Variants in VAC14 observed in about 807,000 individuals in gnomAD.
The protein encoded by VAC14 is VAC14 component of PIKFYVE complex.
A neutral mutation model predicts 85.3 loss-of-function variants in VAC14; 47 were observed. That is an observed-to-expected ratio of 0.55 (90% confidence interval 0.44 to 0.70). VAC14 has a LOEUF of 0.70. Ranked by LOEUF, VAC14 falls within the 30% of genes least tolerant of loss-of-function variation. The pLI is 0.00. For synonymous variants in VAC14, 447 were observed against 430.5 expected, an observed-to-expected ratio of 1.04 and a Z score of -0.47; for missense variants, 861 against 1,004.3, an observed-to-expected ratio of 0.86 and a Z score of 1.93.
intron 12 of VAC14, among the ~76,000 whole-genome samples, chr16:70,754,885 G>A (rs1014207514): frequency 6.6e-6 from 1 of 152,170 alleles, no homozygotes; most frequent in Non-Finnish European, 1.5e-5. Context: ...AATCTGAGGA[G>A]GAAAAACAAG....
chr16:70,757,990 C>T (rs1473547730), intron 12 of VAC14, among the ~76,000 whole-genome samples: 1 of 152,222 alleles, frequency 6.6e-6, no homozygotes, highest in Admixed American at 6.5e-5. Context: ...TCTTAACCAC[C>T]AGGCCTCAGT....
chr16:70,743,711 T>C (rs2030584984), intron 13 of VAC14, among the ~76,000 whole-genome samples: 2 of 152,168 alleles, frequency 1.3e-5, no homozygotes, highest in South Asian at 4.1e-4. Flanking sequence ...CACAAAAGCA[T>C]GGGCCAACTA....
intron 14 of VAC14, among the ~76,000 whole-genome samples, chr16:70,724,895 T>C (rs1360915611): frequency 2.6e-5 from 4 of 152,252 alleles, no homozygotes; most frequent in Non-Finnish European, 4.4e-5. Context: ...TACGGACTTA[T>C]GAAAGATCAA....
At chr16:70,705,904 G>T (rs924769160) in intron 14 of VAC14, among the ~76,000 whole-genome samples, 3 of 152,192 alleles carry the variant, frequency 2.0e-5, no homozygotes, top group Non-Finnish European at 2.9e-5. Flanking sequence ...CAAGAGTGTG[G>T]GTGATTTTGC....
chr16:70,704,478 C>G (rs907977218), intron 14 of VAC14, among the ~76,000 whole-genome samples: 1 of 152,240 alleles, frequency 6.6e-6, no homozygotes, highest in African/African-American at 2.4e-5. Context: ...GGGGGCTTTA[C>G]CCCCCAACAC....
chr16:70,704,630 C>T (rs898721239), intron 14 of VAC14, among the ~76,000 whole-genome samples: 1 of 152,170 alleles, frequency 6.6e-6, no homozygotes, highest in African/African-American at 2.4e-5. Context: ...TGAGGAGGGC[C>T]AGCTCACAGT....
In VAC14 at chr16:70,687,678, TATAGCCCCCCA is replaced by T. The variant is rs1330549999; in HGVS notation, c.*239_*249del. 4 of 385,228 alleles carry T rather than the reference TATAGCCCCCCA, an allele frequency of 1.0e-5. No individual in the cohort carries two copies. Among genetic ancestry groups the T allele is most frequent in the Non-Finnish European group, 1.8e-5 (4 of 218,572 alleles). 23.9% of individuals were successfully genotyped at this position (385,228 alleles called of 1,614,324 possible). A position where few individuals can be genotyped will look rare whatever the true frequency, so the allele number is the denominator to read the frequency against. On this transcript the variant is annotated 3_prime_UTR_variant, in exon 19 of 19. Coordinates refer to ENST00000261776, the MANE Select transcript of VAC14 (RefSeq NM_018052.5). ...CCAGAGGATGAGTGGTCTCTGAGGC[TATAGCCCCCCA>T]CTGGGTGGGCAGCCAGCTCTGTGAG...
intron 16 of VAC14, 173 bp downstream of exon 16, chr16:70,696,966 C>T (rs758836602): frequency 4.1e-5 from 24 of 582,166 alleles, no homozygotes; most frequent in South Asian, 5.9e-5. Context: ...CTCCCAAATA[C>T]GTCCCTCCCC....
At chr16:70,753,501 G>C (rs527271899) in intron 12 of VAC14, among the ~76,000 whole-genome samples, 1 of 152,342 alleles carries the variant, frequency 6.6e-6, no homozygotes, top group South Asian at 2.1e-4. Flanking sequence ...AAAACCGGGG[G>C]CCCTGGCTTG....
chr16:70,704,305 G>A (rs573175752), intron 14 of VAC14, among the ~76,000 whole-genome samples: 2 of 152,260 alleles, frequency 1.3e-5, no homozygotes, highest in South Asian at 4.1e-4. Flanking sequence ...GTAACAGAAG[G>A]GGCGGTGGGA....
chr16:70,772,981 C>T (rs1293704270), intron 9 of VAC14: 2 of 152,210 alleles, frequency 1.3e-5, no homozygotes, highest in African/African-American at 4.8e-5. Context: ...TCATAAAAGA[C>T]TACATATTGT....
At chr16:70,717,775 T>C (rs1567535387) in intron 14 of VAC14, among the ~76,000 whole-genome samples, 1 of 152,168 alleles carries the variant, frequency 6.6e-6, no homozygotes, top group Non-Finnish European at 1.5e-5. Flanking sequence ...GCCTCCTGAG[T>C]AGCTGAGACC....
At chr16:70,786,551 G>A in intron 1 of VAC14, 186 bp from the exon 2 acceptor site, 1 of 675,768 alleles carries the variant, frequency 1.5e-6, no homozygotes, top group Non-Finnish European at 2.4e-6. Context: ...CTGGGTCTCA[G>A]TTTCCCTTTG....
Position 70,783,144 on chromosome 16 carries a change from G to A in VAC14, c.705-5C>T. On this transcript the variant is annotated splice_region_variant and splice_polypyrimidine_tract_variant and intron_variant, in intron 6 of 18. Coordinates refer to ENST00000261776, the MANE Select transcript of VAC14 (RefSeq NM_018052.5). Reference sequence around the variant, plus strand: ...TCTCCAAGAACAACCTCACACCTATGAACAAGAACAGGAAAGTGGAAACAG... The same window carrying A: ...TCTCCAAGAACAACCTCACACCTATAAACAAGAACAGGAAAGTGGAAACAG... 6.2e-7 allele frequency: 1 copy of A among 1,613,094 alleles called. No homozygotes were observed. The highest frequency in any genetic ancestry group is 2.2e-5 in the East Asian group (1 of 44,894).
At chr16:70,773,709 C>G (rs905498317) in intron 9 of VAC14, among the ~76,000 whole-genome samples, 7 of 152,134 alleles carry the variant, frequency 4.6e-5, no homozygotes, top group African/African-American at 1.7e-4. Context: ...TTTTTATACC[C>G]TTTAGCCAGC....
intron 7 of VAC14, 79 bp from the exon 8 acceptor site, chr16:70,782,082 A>G: frequency 5.8e-6 from 9 of 1,552,366 alleles, no homozygotes; most frequent in Non-Finnish European, 7.0e-6. Context: ...TACACGTGGG[A>G]TGGGGCTGGC....
intron 12 of VAC14, among the ~76,000 whole-genome samples, chr16:70,749,216 G>A (rs2031176260): frequency 6.6e-6 from 1 of 152,238 alleles, no homozygotes; most frequent in East Asian, 1.9e-4. Flanking sequence ...ACTGAGCATG[G>A]ACAGCAGTGC....
chr16:70,766,662 G>A, intron 10 of VAC14: 1 of 359,914 alleles, frequency 2.8e-6, no homozygotes, highest in Non-Finnish European at 5.5e-6. Context: ...TCCCTGGGCT[G>A]GAGACACTCT....
chr16:70,696,315 C>T (rs1358323724), intron 16 of VAC14, among the ~76,000 whole-genome samples: 3 of 152,182 alleles, frequency 2.0e-5, no homozygotes, highest in Non-Finnish European at 4.4e-5. Flanking sequence ...GAGTTTGAGA[C>T]TAGCCTGGCC....
Sources: allele counts gnomAD v4.1 joint callset (sites outside exome capture counted in the v4.1 genomes callset), GRCh38; gene constraint gnomAD v4.1.1; transcripts MANE v1.5; gene names NCBI Gene and HGNC (gene_info 2026-07-23, HGNC 2026-07-21).